Variants in PTN observed in about 807,000 individuals in gnomAD.
The protein encoded by PTN is heparin affin regulatory protein.
Under a neutral mutation model 24.1 loss-of-function variants are expected in PTN, and 18 were observed. That is an observed-to-expected ratio of 0.75 (90% CI 0.52 to 1.11). The LOEUF is 1.11. PTN is among the 50% of genes least tolerant of loss of function. The pLI, the probability that PTN is intolerant of heterozygous loss-of-function variation, is 0.00. For missense variants in PTN, 163 were observed against 198.8 expected (o/e 0.82, Z 1.08); for synonymous variants, 78 against 68.6 (o/e 1.14, Z -0.67).
chr7:137,336,356 C>T (rs1007954360), intron 1 of PTN, among the ~76,000 whole-genome samples: 9 of 152,090 alleles, frequency 5.9e-5, no homozygotes, highest in Non-Finnish European at 1.3e-4. Context: ...TTAACTCCTT[C>T]CCTGGACTGA....
At chr7:137,256,078 CTAATT>C (rs1484001961) in intron 1 of PTN, among the ~76,000 whole-genome samples, 3 of 152,166 alleles carry the variant, frequency 2.0e-5, no homozygotes, top group African/African-American at 7.2e-5. Context: ...ATTCTTTTCT[CTAATT>C]TATTTTCCTC....
intron 1 of PTN, chr7:137,326,625 C>T (rs1392609517): frequency 1.3e-5 from 2 of 152,106 alleles, no homozygotes; most frequent in Non-Finnish European, 1.5e-5. Flanking sequence ...GCATTCACAC[C>T]GTTGCTTCCA....
intron 4 of PTN, among the ~76,000 whole-genome samples, chr7:137,239,635 G>A (rs907904387): frequency 6.6e-6 from 1 of 151,838 alleles, no homozygotes; most frequent in African/African-American, 2.4e-5. Flanking sequence ...CCACCTATGA[G>A]TGAGAATATG....
intron 1 of PTN, among the ~76,000 whole-genome samples, chr7:137,257,204 A>G (rs756630768): frequency 1.4e-4 from 22 of 152,190 alleles, no homozygotes; most frequent in Admixed American, 2.6e-4. Flanking sequence ...GCTACTCACC[A>G]TCTCCAGCAC....
intron 4 of PTN, among the ~76,000 whole-genome samples, chr7:137,247,148 G>A (rs765552352): frequency 2.6e-5 from 4 of 152,134 alleles, no homozygotes; most frequent in Admixed American, 6.5e-5. Context: ...GAAAAGTTTA[G>A]TTAAATGACT....
intron 1 of PTN, among the ~76,000 whole-genome samples, chr7:137,304,275 A>G (rs1474321887): frequency 6.6e-6 from 1 of 151,796 alleles, no homozygotes; most frequent in Non-Finnish European, 1.5e-5. Flanking sequence ...TATGTTATCC[A>G]CAGTGGAAAT....
chr7:137,268,283 T>C (rs975609072), intron 1 of PTN, among the ~76,000 whole-genome samples: 1 of 152,042 alleles, frequency 6.6e-6, no homozygotes, highest in Non-Finnish European at 1.5e-5. Flanking sequence ...CAGGGCAGGC[T>C]AAAGCCGCTT....
At chr7:137,238,870 G>C (rs981154765) in intron 4 of PTN, among the ~76,000 whole-genome samples, 1 of 152,062 alleles carries the variant, frequency 6.6e-6, no homozygotes, top group Non-Finnish European at 1.5e-5. Flanking sequence ...ATAACAACAG[G>C]TACAACTTAA....
intron 1 of PTN, among the ~76,000 whole-genome samples, chr7:137,292,968 T>C (rs1207984525): frequency 1.3e-5 from 2 of 152,200 alleles, no homozygotes; most frequent in Non-Finnish European, 2.9e-5. Context: ...AATAACTGAA[T>C]CTTTAGTCCT....
intron 1 of PTN, among the ~76,000 whole-genome samples, chr7:137,264,098 T>C (rs1398574852): frequency 6.6e-6 from 1 of 152,164 alleles, no homozygotes; most frequent in Non-Finnish European, 1.5e-5. Flanking sequence ...GGTGATTCTT[T>C]AGGGCTGGGA....
intron 1 of PTN, among the ~76,000 whole-genome samples, chr7:137,258,578 A>G (rs1172233309): frequency 6.6e-6 from 1 of 150,872 alleles, no homozygotes; most frequent in Non-Finnish European, 1.5e-5. Context: ...GGTTATTTAA[A>G]AGAAGAGAGT....
At chr7:137,238,526 T>C (rs1808563816) in intron 4 of PTN, among the ~76,000 whole-genome samples, 1 of 152,182 alleles carries the variant, frequency 6.6e-6, no homozygotes, top group Non-Finnish European at 1.5e-5. Flanking sequence ...TATACGAATG[T>C]TTAGGATTAT....
chr7:137,328,160 A>C (rs557640541), intron 1 of PTN, among the ~76,000 whole-genome samples: 5 of 152,308 alleles, frequency 3.3e-5, no homozygotes, highest in African/African-American at 1.2e-4. Context: ...GACCCTTTTA[A>C]AAATTTTTAC....
chr7:137,230,979 T>C (rs1808417678), intron 4 of PTN, among the ~76,000 whole-genome samples: 1 of 151,886 alleles, frequency 6.6e-6, no homozygotes, highest in Non-Finnish European at 1.5e-5. Flanking sequence ...CACTACGACA[T>C]GTCTCATTAA....
At chr7:137,239,931 T>G (rs928154312) in intron 4 of PTN, among the ~76,000 whole-genome samples, 4 of 152,154 alleles carry the variant, frequency 2.6e-5, no homozygotes, top group Admixed American at 6.6e-5. Context: ...GTTTTAACAC[T>G]GATCCCTTTT....
At chr7:137,261,081 TTC>T (rs1809029807) in intron 1 of PTN, among the ~76,000 whole-genome samples, 1 of 152,286 alleles carries the variant, frequency 6.6e-6, no homozygotes, top group East Asian at 1.9e-4. Context: ...CAATCACTTT[TTC>T]TTTTTTTAAT....
At chr7:137,315,316 G>A (rs1310169032) in intron 1 of PTN, among the ~76,000 whole-genome samples, 1 of 151,848 alleles carries the variant, frequency 6.6e-6, no homozygotes, top group Non-Finnish European at 1.5e-5. Context: ...TGTGGTGTGG[G>A]ATGGATTCTC....
chr7:137,251,414 C>A, intron 3 of PTN, 23 bp from the exon 4 acceptor site: 7 of 1,607,388 alleles, frequency 4.4e-6, no homozygotes, highest in Non-Finnish European at 6.0e-6. Flanking sequence ...TAGAACCAAA[C>A]AGAAATCCTT....
At chr7:137,247,527 TG>T (rs1438626942) in intron 4 of PTN, among the ~76,000 whole-genome samples, 1 of 152,048 alleles carries the variant, frequency 6.6e-6, no homozygotes, top group Non-Finnish European at 1.5e-5. Flanking sequence ...AGGGTAGTGA[TG>T]GGTGGTTGGG....
Sources: allele counts gnomAD v4.1 joint callset (sites outside exome capture counted in the v4.1 genomes callset), GRCh38; gene constraint gnomAD v4.1.1; transcripts MANE v1.5; gene names NCBI Gene and HGNC (gene_info 2026-07-23, HGNC 2026-07-21).